ARHGEF28: variants seen among roughly 807,000 people sequenced by gnomAD.
ARHGEF28 encodes the protein 190 kDa guanine nucleotide exchange factor.
ARHGEF28 carries 152 observed loss-of-function variants against 206.6 expected under a neutral mutation model. The ratio of observed to expected loss-of-function variants is 0.74; its 90% CI spans 0.64 to 0.84. ARHGEF28 has a LOEUF of 0.84. ARHGEF28 is among the 40% of genes least tolerant of loss of function. The probability of loss-of-function intolerance (pLI) is 0.00; values close to 1 mark genes in which losing one functional copy is unlikely to be tolerated. For missense variants in ARHGEF28, 2,028 were observed against 2,073.2 expected (o/e 0.98, Z 0.42); for synonymous variants, 763 against 776.4 (o/e 0.98, Z 0.29).
chr5:73,642,384 G>C (rs1434452326), intron 1 of ARHGEF28, among the ~76,000 whole-genome samples: 1 of 152,050 alleles, frequency 6.6e-6, no homozygotes, highest in Non-Finnish European at 1.5e-5. Flanking sequence ...CTATTTGGTT[G>C]GTCAATTATG....
At chr5:73,800,374 A>T (rs1183630847) in intron 9 of ARHGEF28, among the ~76,000 whole-genome samples, 1 of 152,190 alleles carries the variant, frequency 6.6e-6, no homozygotes, top group South Asian at 2.1e-4. Flanking sequence ...CCTATGCACA[A>T]GTATTTATTT....
At chr5:73,899,889 G>A (rs1762165663) in intron 30 of ARHGEF28, 1 of 152,220 alleles carries the variant, frequency 6.6e-6, no homozygotes, top group South Asian at 2.1e-4. Context: ...CTTCTGCCTT[G>A]TCATCAGCTT....
chr5:73,857,892 C>A, intron 15 of ARHGEF28, 113 bp downstream of exon 15: 1 of 1,405,052 alleles, frequency 7.1e-7, no homozygotes, highest in Non-Finnish European at 9.5e-7. Flanking sequence ...TTTATTTACA[C>A]ATATTTCTTA....
chr5:73,782,478 C>A (rs978176354), intron 7 of ARHGEF28, among the ~76,000 whole-genome samples: 1 of 152,050 alleles, frequency 6.6e-6, no homozygotes, highest in African/African-American at 2.4e-5. Context: ...ATTAAAAAAA[C>A]TAGTGTTAGA....
intron 2 of ARHGEF28, among the ~76,000 whole-genome samples, chr5:73,725,844 A>G (rs1281709833): frequency 6.6e-6 from 1 of 152,242 alleles, no homozygotes; most frequent in African/African-American, 2.4e-5. Context: ...AAAGGGTCTG[A>G]GAAGAGTTTA....
intron 2 of ARHGEF28, among the ~76,000 whole-genome samples, chr5:73,694,299 A>T (rs898689731): frequency 2.6e-5 from 4 of 152,092 alleles, no homozygotes; most frequent in Admixed American, 6.5e-5. Flanking sequence ...GCTTTGAAGA[A>T]ATTTCTTAGT....
intron 33 of ARHGEF28, among the ~76,000 whole-genome samples, chr5:73,906,784 A>T (rs573200673): frequency 4.7e-5 from 7 of 149,372 alleles, no homozygotes; most frequent in African/African-American, 1.2e-4. Context: ...ATTGTGAATA[A>T]TTTTTTTTTT....
intron 4 of ARHGEF28, among the ~76,000 whole-genome samples, chr5:73,753,531 C>G (rs1222806593): frequency 6.6e-6 from 1 of 152,220 alleles, no homozygotes; most frequent in Non-Finnish European, 1.5e-5. Flanking sequence ...GGGGACATTG[C>G]TGCCCCATTT....
At chr5:73,818,496 T>A (rs962483069) in intron 9 of ARHGEF28, among the ~76,000 whole-genome samples, 2 of 152,154 alleles carry the variant, frequency 1.3e-5, no homozygotes, top group African/African-American at 2.4e-5. Flanking sequence ...CTGAATACCA[T>A]AGGATGAGTA....
rs144759847 is a variant in ARHGEF28, at chr5:73,906,857, A to G, written c.4161+2452A>G. On this transcript the variant is annotated intron_variant, in intron 33 of 35. Transcript: ENST00000513042. ...AAGGTATTGATTTTGGGGTACTTATATTGTAACTGGTAAACTCATTGAACT... is the reference window on the plus strand; with the variant it reads ...AAGGTATTGATTTTGGGGTACTTATGTTGTAACTGGTAAACTCATTGAACT... 3.5e-3 allele frequency among the ~76,000 whole-genome samples: 536 copies of G among 152,048 alleles called. 2 individuals carry two copies. The highest frequency in any genetic ancestry group is 0.012 in the African/African-American group (505 of 41,470).
At chr5:73,917,771 T>A (rs997856553) in intron 35 of ARHGEF28, among the ~76,000 whole-genome samples, 2 of 152,222 alleles carry the variant, frequency 1.3e-5, no homozygotes, top group Admixed American at 1.3e-4. Context: ...AGGTTAGGCC[T>A]GGCCCTGGCC....
intron 30 of ARHGEF28, 153 bp from the exon 31 acceptor site, chr5:73,901,031 C>T (rs1008846141): frequency 2.2e-5 from 13 of 603,832 alleles, no homozygotes; most frequent in Admixed American, 2.6e-5. Flanking sequence ...GCTCTGCGCT[C>T]ATCCAAGCAC....
intron 6 of ARHGEF28, 91 bp from the exon 7 acceptor site, chr5:73,780,585 T>A: frequency 7.7e-7 from 1 of 1,305,264 alleles, no homozygotes; most frequent in South Asian, 1.3e-5. Context: ...TCTGAGATCA[T>A]TGATAGTGAC....
At chr5:73,673,134 A>G (rs1746450100) in intron 1 of ARHGEF28, among the ~76,000 whole-genome samples, 2 of 152,202 alleles carry the variant, frequency 1.3e-5, no homozygotes, top group Admixed American at 6.5e-5. Context: ...TGTGTGTTCA[A>G]TAATAGGTTT....
intron 10 of ARHGEF28, among the ~76,000 whole-genome samples, chr5:73,834,066 T>C (rs1009861510): frequency 6.6e-6 from 1 of 152,302 alleles, no homozygotes; most frequent in East Asian, 1.9e-4. Context: ...TATTAAGGTA[T>C]AATGAACAAA....
intron 1 of ARHGEF28, among the ~76,000 whole-genome samples, chr5:73,666,534 G>A (rs985692754): frequency 2.0e-4 from 31 of 152,346 alleles, no homozygotes; most frequent in African/African-American, 6.3e-4. Context: ...GTAGGTGGAT[G>A]CTGCTGTGGC....
At chr5:73,906,731 T>C (rs1261990891) in intron 33 of ARHGEF28, among the ~76,000 whole-genome samples, 1 of 152,306 alleles carries the variant, frequency 6.6e-6, no homozygotes, top group Non-Finnish European at 1.5e-5. Flanking sequence ...TGCGTGTATA[T>C]GTATTTTTTT....
At chr5:73,701,436 G>A (rs934348101) in intron 2 of ARHGEF28, among the ~76,000 whole-genome samples, 1 of 152,124 alleles carries the variant, frequency 6.6e-6, no homozygotes, top group South Asian at 2.1e-4. Context: ...TGTGCTCTTA[G>A]TGGAAGTTGG....
At chr5:73,904,132 T>C in intron 31 of ARHGEF28, 90 bp from the exon 32 acceptor site, 1 of 1,290,740 alleles carries the variant, frequency 7.7e-7, no homozygotes, top group Middle Eastern at 2.1e-4. Flanking sequence ...AGCAAAGTGA[T>C]TTACCCAAGG....
Sources: gnomAD v4.1 joint callset for allele counts (sites outside exome capture counted in the v4.1 genomes callset) on GRCh38, gnomAD v4.1.1 for gene constraint, MANE v1.5 for transcripts, NCBI Gene and HGNC (gene_info 2026-07-23, HGNC 2026-07-21) for gene names.